GREM1: variants seen among roughly 807,000 people sequenced by gnomAD.
GREM1 encodes the protein gremlin 1, DAN family BMP antagonist.
In GREM1, 6 loss-of-function variants were observed where a neutral mutation model predicts 13.1. That is an observed-to-expected ratio of 0.46 (90% CI 0.25 to 0.91). The LOEUF is 0.91. Ranked by LOEUF, GREM1 falls within the 40% of genes least tolerant of loss-of-function variation. GREM1 has a pLI of 0.18. For synonymous variants in GREM1, 98 were observed against 93.7 expected (o/e 1.05, Z -0.27); for missense variants, 185 against 233.9 (o/e 0.79, Z 1.36).
In GREM1 at chr15:32,731,196, G is replaced by C. The variant is rs1458654619; in HGVS notation, c.506G>C (p.Arg169Thr). 1.2e-6 allele frequency: 2 copies of C among 1,614,030 alleles called. No homozygotes were observed. The highest frequency in any genetic ancestry group is 2.7e-5 in the African/African-American group (2 of 74,920). ...CTACAGCCACCTACCAAGAAGAAGA[G>C]AGTCACACGTGTGAAGCAGTGTCGT... ...PELQPPTKKK[R>T]VTRVKQCRCI... Residue 169 changes from arginine (R) to threonine (T), a missense_variant, in exon 2 of 2, where the codon AGA (arginine) becomes ACA (threonine). Physicochemically the swap from Arg to Thr is moderately conservative, Grantham distance 71. Transcript: ENST00000651154.
chr15:32,726,236 C>T (rs903638786), intron 1 of GREM1, among the ~76,000 whole-genome samples: 1 of 152,038 alleles, frequency 6.6e-6, no homozygotes, highest in Non-Finnish European at 1.5e-5. Flanking sequence ...TCTAAAATGA[C>T]CACATAATTA....
chr15:32,738,114 A>ACC lies in GREM1; in HGVS notation c.*6869_*6870insCC, dbSNP rs2055724319. 2 of 127,340 alleles carry ACC rather than the reference A, an allele frequency of 1.6e-5. No homozygotes were observed. The highest frequency in any genetic ancestry group is 6.4e-5 in the African/African-American group (2 of 31,490). The allele number at this position is 127,340 out of a possible 1,614,324, so 7.9% of individuals were successfully genotyped here. ...AAAAAAAAAAAAAAAAAAAAAAAAAAAAAAAAAAAAAAAAAAAAAGAAAAG... is the reference window on the plus strand; with the variant it reads ...AAAAAAAAAAAAAAAAAAAAAAAAAACCAAAAAAAAAAAAAAAAAAAGAAAAG... On this transcript the variant is annotated 3_prime_UTR_variant, in exon 2 of 2. Transcript: ENST00000651154.
rs759010741 is a variant in GREM1, at chr15:32,731,000, C to A, written c.310C>A (p.His104Asn). The A allele has an allele frequency of 9.9e-6, 16 of 1,614,096 alleles. No homozygotes were observed. In the East Asian group the frequency reaches 3.6e-4, roughly 36 times the overall value. Residue 104 changes from histidine (H) to asparagine (N), a missense_variant, in exon 2 of 2, where the codon CAC (histidine) becomes AAC (asparagine). His to Asn is a moderately conservative substitution (Grantham distance 68, BLOSUM62 1). Transcript: ENST00000651154. ...AACCCAGCCGCTTAAGCAGACCATC[C>A]ACGAGGAAGGCTGCAACAGTCGCAC... is the stretch of plus-strand genomic sequence containing the variant. ...CKTQPLKQTI[H>N]EEGCNSRTII...
rs746421781 is a variant in GREM1 at position 32,729,553 on chromosome 15, TTCTC to T, written c.-1-1131_-1-1128del. Among the ~76,000 whole-genome samples the T allele has an allele frequency of 1.1e-3, 165 of 152,292 alleles. 1 individual carries two copies. The highest frequency in any genetic ancestry group is 1.8e-4 in the Non-Finnish European group (12 of 68,032). ...TGCATTCTTCACTTCATTCATTCTT[TTCTC>T]TCTCTGTCTATGGTTTCCTATTTTT... On this transcript the variant is annotated intron_variant, in intron 1 of 1. Transcript: ENST00000651154.
Position 32,731,065 on chromosome 15 carries a change from C to CT in GREM1, c.376dup (p.Tyr126LeufsTer35). On this transcript the variant is annotated frameshift_variant, in exon 2 of 2. Coordinates refer to ENST00000651154, the MANE Select transcript of GREM1 (RefSeq NM_013372.7). LOFTEE classifies it high-confidence loss of function. ...TCTGTTACGGCCAGTGCAACTCTTTCTACATCCCCAGGCACATCCGGAAGG... is the reference window on the plus strand; with the variant it reads ...TCTGTTACGGCCAGTGCAACTCTTTCTTACATCCCCAGGCACATCCGGAAGG... The CT allele has an allele frequency of 6.2e-7, 1 of 1,614,222 alleles. No individual in the cohort carries two copies. Among genetic ancestry groups the CT allele is most frequent in the Non-Finnish European group, 8.5e-7 (1 of 1,180,028 alleles).
chr15:32,719,464 G>A (rs2055367176), intron 1 of GREM1, among the ~76,000 whole-genome samples: 1 of 152,138 alleles, frequency 6.6e-6, no homozygotes, highest in African/African-American at 2.4e-5. Context: ...TCCGTCTACT[G>A]CCTTCCCCTC....
intron 1 of GREM1, among the ~76,000 whole-genome samples, chr15:32,727,050 C>G (rs1024817970): frequency 1.3e-5 from 2 of 150,564 alleles, no homozygotes; most frequent in Admixed American, 1.3e-4. Context: ...CAGGACCAGA[C>G]AGATTCACAG....
Position 32,736,407 on chromosome 15 carries a change from A to T in GREM1, c.*5162A>T, listed in dbSNP as rs759527048. 1 of 152,142 alleles carries T rather than the reference A, an allele frequency of 6.6e-6. No homozygotes were observed. The highest frequency in any genetic ancestry group is 2.4e-5 in the African/African-American group (1 of 41,428). 9.4% of individuals were successfully genotyped at this position (152,142 alleles called of 1,614,324 possible). A position where few individuals can be genotyped will look rare whatever the true frequency, so the allele number is the denominator to read the frequency against. ...GCAATCTAGACTGCCAAATGCATAA[A>T]TAGGACTCCATCCATGCCCAGGACT... On this transcript the variant is annotated 3_prime_UTR_variant, in exon 2 of 2. Transcript: ENST00000651154.
rs1227016281 is a variant in GREM1, at chr15:32,745,034, A to G, written c.*13789A>G. On this transcript the variant is annotated 3_prime_UTR_variant, in exon 2 of 2. Transcript: ENST00000651154. ...TCATTAATTTTGAGAGAAAGGCAAG[A>G]TAGATATTTAAATGACCCCTATTTT... 1 of 152,228 alleles carries G rather than the reference A, an allele frequency of 6.6e-6. No individual in the cohort carries two copies. Among genetic ancestry groups the G allele is most frequent in the Non-Finnish European group, 1.5e-5 (1 of 68,032 alleles). 9.4% of individuals were successfully genotyped at this position (152,228 alleles called of 1,614,324 possible).
At chr15:32,719,653 A>G (rs139211350) in intron 1 of GREM1, among the ~76,000 whole-genome samples, 22 of 152,264 alleles carry the variant, frequency 1.4e-4, no homozygotes, top group African/African-American at 5.3e-4. Context: ...CCCCTTCGAG[A>G]TGGTGCCAGG....
intron 1 of GREM1, among the ~76,000 whole-genome samples, chr15:32,726,750 C>A: frequency 6.8e-6 from 1 of 147,722 alleles, no homozygotes; most frequent in Non-Finnish European, 1.5e-5. Context: ...AAATAGACTG[C>A]TAGCCAAACT....
intron 1 of GREM1, among the ~76,000 whole-genome samples, chr15:32,722,448 T>G (rs1274824198): frequency 6.6e-6 from 1 of 152,206 alleles, no homozygotes; most frequent in Non-Finnish European, 1.5e-5. Flanking sequence ...GCAGGTTGCT[T>G]AGCTAAAATG....
rs1303683392 is a variant in GREM1 at position 32,738,113 on chromosome 15, A to C, written c.*6868A>C. ...AAAAAAAAAAAAAAAAAAAAAAAAA[A>C]AAAAAAAAAAAAAAAAAAAAGAAAA... On this transcript the variant is annotated 3_prime_UTR_variant, in exon 2 of 2. Transcript: ENST00000651154. The C allele has an allele frequency of 1.6e-4, 21 of 127,884 alleles. 1 individual carries two copies. The highest frequency in any genetic ancestry group is 7.4e-4 in the South Asian group (3 of 4,042). The allele number at this position is 127,884 out of a possible 1,614,324, so 7.9% of individuals were successfully genotyped here. A position where few individuals can be genotyped will look rare whatever the true frequency, so the allele number is the denominator to read the frequency against.
Position 32,730,936 on chromosome 15 carries a change from T to A in GREM1, c.246T>A (p.His82Gln). 1.9e-6 allele frequency: 3 copies of A among 1,614,058 alleles called. No homozygotes were observed. Among genetic ancestry groups the A allele is most frequent in the Non-Finnish European group, 2.5e-6 (3 of 1,180,024 alleles). The change falls in exon 2 of 2, where the codon CAT (histidine) becomes CAA (glutamine). Residue 82 changes from histidine to glutamine, a missense_variant. Physicochemically the swap from His to Gln is conservative, Grantham distance 24 (BLOSUM62 0). Transcript: ENST00000651154. ...TGGAGTCCAGCCAAGAGGCCCTGCA[T>A]GTGACGGAGCGCAAATACCTGAAGC... is the stretch of plus-strand genomic sequence containing the variant. ...EVLESSQEAL[H>Q]VTERKYLKRD...
At position 32,737,756 on chromosome 15, in the gene GREM1, G is replaced by T. The variant is rs2140763995; in HGVS notation, c.*6511G>T. 1 of 151,566 alleles carries T rather than the reference G, an allele frequency of 6.6e-6. No homozygotes were observed. The highest frequency in any genetic ancestry group is 2.1e-4 in the South Asian group (1 of 4,794). The allele number at this position is 151,566 out of a possible 1,614,324, so 9.4% of individuals were successfully genotyped here. On this transcript the variant is annotated 3_prime_UTR_variant, in exon 2 of 2. Coordinates refer to ENST00000651154, the MANE Select transcript of GREM1 (RefSeq NM_013372.7). ...AACCTGACCAACATGGAGAAACCCT[G>T]TATCTACTAAAAATACAAAAAATTA...
In GREM1 at chr15:32,718,282, T is replaced by C. The variant is rs3207357; in HGVS notation, c.-2+121T>C. 0.078 allele frequency: 58,001 copies of C among 739,950 alleles called. 2,729 individuals carry two copies. Among genetic ancestry groups the C allele is most frequent in the Non-Finnish European group, 0.1 (47,393 of 467,970 alleles). 45.8% of individuals were successfully genotyped at this position (739,950 alleles called of 1,614,324 possible). ...TCCGTGCGCGCAGGCTCGGGTGCGT[T>C]GTTCGCGGGGGTGAATTGTGAAGAA... On this transcript the variant is annotated intron_variant, in intron 1 of 1. Coordinates refer to ENST00000651154, the MANE Select transcript of GREM1 (RefSeq NM_013372.7).
chr15:32,729,322 C>T (rs776420779), intron 1 of GREM1, among the ~76,000 whole-genome samples: 28 of 152,174 alleles, frequency 1.8e-4, no homozygotes, highest in Admixed American at 4.6e-4. Flanking sequence ...CCACTGCGCC[C>T]GGCCAATTGT....
At chr15:32,722,580 T>G (rs2055425836) in intron 1 of GREM1, among the ~76,000 whole-genome samples, 1 of 152,236 alleles carries the variant, frequency 6.6e-6, no homozygotes, top group Admixed American at 6.5e-5. Flanking sequence ...ATTAGAATAT[T>G]GTGTTCCTAG....
rs1213428021 is a variant in GREM1, at chr15:32,741,346, G to A, written c.*10101G>A. ...ATCTAAGCCTTGTTTTTATGATATT[G>A]GGGAACAGTAACAGATCAAAGTACT... On this transcript the variant is annotated 3_prime_UTR_variant, in exon 2 of 2. Coordinates refer to ENST00000651154, the MANE Select transcript of GREM1 (RefSeq NM_013372.7). 6.6e-6 allele frequency: 1 copy of A among 151,676 alleles called. No homozygotes were observed. Among genetic ancestry groups the A allele is most frequent in the Non-Finnish European group, 1.5e-5 (1 of 67,926 alleles). The allele number at this position is 151,676 out of a possible 1,614,324, so 9.4% of individuals were successfully genotyped here. A position where few individuals can be genotyped will look rare whatever the true frequency, so the allele number is the denominator to read the frequency against.
Sources: allele counts gnomAD v4.1 joint callset (sites outside exome capture counted in the v4.1 genomes callset), GRCh38; gene constraint gnomAD v4.1.1; transcripts MANE v1.5; gene names NCBI Gene and HGNC (gene_info 2026-07-23, HGNC 2026-07-21).